The following NCAM1 variants were observed in gnomAD, a reference collection of about 807,000 sequenced individuals.
The protein encoded by NCAM1 is neural cell adhesion molecule 1.
A neutral mutation model predicts 109.8 loss-of-function variants in NCAM1; 14 were observed. The ratio of observed to expected loss-of-function variants is 0.13; its 90% CI spans 0.08 to 0.20. The LOEUF is 0.20. NCAM1 is among the 10% of genes least tolerant of loss of function. The pLI is 1.00. For synonymous variants in NCAM1, 418 were observed against 442.9 expected, an observed-to-expected ratio of 0.94 and a Z score of 0.70; for missense variants, 774 against 1,109.9, an observed-to-expected ratio of 0.70 and a Z score of 4.30.
chr11:113,052,012 A>G (rs61902818), intron 1 of NCAM1, among the ~76,000 whole-genome samples: 25,781 of 152,200 alleles, frequency 0.17, 2,543 homozygotes, highest in South Asian at 0.29. Context: ...GGCCGCATGA[A>G]CTCTGAGTAC....
intron 14 of NCAM1, among the ~76,000 whole-genome samples, chr11:113,237,019 T>A (rs1211748763): frequency 6.6e-6 from 1 of 152,212 alleles, no homozygotes; most frequent in Non-Finnish European, 1.5e-5. Flanking sequence ...ATCTCCTCGT[T>A]TGGGGAAGAC....
intron 17 of NCAM1, chr11:113,263,001 C>G: frequency 6.4e-7 from 1 of 1,553,746 alleles, no homozygotes; most frequent in South Asian, 1.2e-5. Flanking sequence ...TTTGGAAGAA[C>G]CTGGCAGGAC....
At chr11:113,086,035 G>A (rs714233) in intron 1 of NCAM1, among the ~76,000 whole-genome samples, 8,033 of 152,238 alleles carry the variant, frequency 0.053, 588 homozygotes, top group Admixed American at 0.17. Flanking sequence ...CTATACCTTG[G>A]TAGATGATAA....
chr11:113,009,318 T>TTGTTGTTTTTTTTG (rs1465915937), intron 1 of NCAM1, among the ~76,000 whole-genome samples: 1 of 104,296 alleles, frequency 9.6e-6, no homozygotes, highest in Admixed American at 1.2e-4. Context: ...TCGGGTTTTT[T>TTGTTGTTTTTTTTG]TTTTTTTTTT....
chr11:113,113,471 TC>T (rs1940541493), intron 1 of NCAM1, among the ~76,000 whole-genome samples: 1 of 152,184 alleles, frequency 6.6e-6, no homozygotes, highest in Non-Finnish European at 1.5e-5. Flanking sequence ...TTTGCTATGA[TC>T]CTTACCTTAA....
intron 7 of NCAM1, among the ~76,000 whole-genome samples, chr11:113,213,914 C>T (rs1449115552): frequency 6.6e-6 from 1 of 152,234 alleles, no homozygotes; most frequent in Non-Finnish European, 1.5e-5. Flanking sequence ...CATCCAGCCT[C>T]ACCTTCCTGT....
At chr11:113,250,044 A>AT (rs1471686896) in intron 15 of NCAM1, among the ~76,000 whole-genome samples, 1 of 152,214 alleles carries the variant, frequency 6.6e-6, no homozygotes, top group African/African-American at 2.4e-5. Context: ...GCTAGGAACT[A>AT]GGATGGCAAA....
intron 8 of NCAM1, among the ~76,000 whole-genome samples, chr11:113,216,333 T>C (rs1488447868): frequency 6.6e-6 from 1 of 151,926 alleles, no homozygotes; most frequent in Non-Finnish European, 1.5e-5. Context: ...TTTGTATTTT[T>C]AGTAGAGACG....
intron 14 of NCAM1, chr11:113,242,801 A>G: frequency 1.2e-6 from 2 of 1,613,480 alleles, no homozygotes; most frequent in Non-Finnish European, 1.7e-6. Flanking sequence ...TCGTGTTTCC[A>G]TAGCAACTTG....
intron 1 of NCAM1, among the ~76,000 whole-genome samples, chr11:113,078,671 A>G (rs1193189376): frequency 6.6e-6 from 1 of 152,024 alleles, no homozygotes; most frequent in Non-Finnish European, 1.5e-5. Flanking sequence ...AGCGCATTTT[A>G]GTGAGTCATC....
At chr11:112,983,095 T>C (rs1951196479) in intron 1 of NCAM1, among the ~76,000 whole-genome samples, 1 of 151,996 alleles carries the variant, frequency 6.6e-6, no homozygotes, top group South Asian at 2.1e-4. Flanking sequence ...CTGTTTTGTA[T>C]ATTTTCAAAA....
At position 113,067,121 on chromosome 11, in the gene NCAM1, A is replaced by C. The variant is rs139870887; in HGVS notation, c.52+105457A>C. 1.0e-3 allele frequency among the ~76,000 whole-genome samples: 153 copies of C among 152,128 alleles called. 1 individual carries two copies. The highest frequency in any genetic ancestry group is 3.4e-3 in the Middle Eastern group (1 of 292). On this transcript the variant is annotated intron_variant, in intron 1 of 19. Transcript: ENST00000316851. ...CTGATTGCTGGTTTCTTTCCACCACACTACAGGAGAGGCTGTGTTTCCTCC... is the reference window on the plus strand; with the variant it reads ...CTGATTGCTGGTTTCTTTCCACCACCCTACAGGAGAGGCTGTGTTTCCTCC...
rs144578988 is a variant in NCAM1 at position 112,990,446 on chromosome 11, C to T, written c.52+28782C>T. 3.4e-3 allele frequency among the ~76,000 whole-genome samples: 511 copies of T among 152,254 alleles called. 5 individuals are homozygous for T. The highest frequency in any genetic ancestry group is 0.012 in the African/African-American group (490 of 41,556). On this transcript the variant is annotated intron_variant, in intron 1 of 19. Transcript: ENST00000316851. ...GCTGGCATGACTTACCTCTGACCAC[C>T]GTTGAGAGGGACTGTAGCCAGTCTC... is the stretch of plus-strand genomic sequence containing the variant.
chr11:113,214,134 C>A (rs572254304), intron 7 of NCAM1, among the ~76,000 whole-genome samples: 1 of 152,334 alleles, frequency 6.6e-6, no homozygotes, highest in East Asian at 1.9e-4. Context: ...CTCCTGCATT[C>A]CTTGCCCTTA....
chr11:113,016,083 A>G (rs1952199271), intron 1 of NCAM1, among the ~76,000 whole-genome samples: 1 of 152,170 alleles, frequency 6.6e-6, no homozygotes, highest in Non-Finnish European at 1.5e-5. Flanking sequence ...GGAAGAACCT[A>G]AGGACATGCC....
chr11:113,148,102 C>T (rs1268189542), intron 1 of NCAM1, among the ~76,000 whole-genome samples: 1 of 152,182 alleles, frequency 6.6e-6, no homozygotes, highest in Admixed American at 6.5e-5. Flanking sequence ...TCTTCTCTCC[C>T]CTCCTTTCAC....
In NCAM1 at chr11:113,233,015, C is replaced by A; in HGVS notation, c.1523-132C>A. ...GGGAGAAGCATCTGGTGAGATGGGC[C>A]AGGAGGACAGGATACAGTGACAGGA... On this transcript the variant is annotated intron_variant, in intron 12 of 19. Coordinates refer to ENST00000316851, the MANE Select transcript of NCAM1 (RefSeq NM_181351.5). The surrounding 1 kb of genome is among the most constrained non-coding windows in gnomAD (Gnocchi z 4.5). 1 of 1,019,526 alleles carries A rather than the reference C, an allele frequency of 9.8e-7. No homozygotes were observed. Among genetic ancestry groups the A allele is most frequent in the Non-Finnish European group, 1.4e-6 (1 of 693,796 alleles). 63.2% of individuals were successfully genotyped at this position (1,019,526 alleles called of 1,614,324 possible).
At chr11:113,131,329 A>G (rs1218884587) in intron 1 of NCAM1, among the ~76,000 whole-genome samples, 4 of 151,956 alleles carry the variant, frequency 2.6e-5, no homozygotes, top group East Asian at 1.9e-4. Flanking sequence ...TGTGTGAGGG[A>G]TGACACAAAA....
intron 1 of NCAM1, among the ~76,000 whole-genome samples, chr11:113,076,351 G>T (rs1253542510): frequency 6.6e-6 from 1 of 152,140 alleles, no homozygotes; most frequent in Non-Finnish European, 1.5e-5. Flanking sequence ...TTTTCACTCT[G>T]CAGGTTGTGA....
Sources: gnomAD v4.1 joint callset for allele counts (sites outside exome capture counted in the v4.1 genomes callset) on GRCh38, gnomAD v4.1.1 for gene constraint, Gnocchi (gnomAD v3.1) non-coding constraint, MANE v1.5 for transcripts, NCBI Gene and HGNC (gene_info 2026-07-23, HGNC 2026-07-21) for gene names.